The following EXOC4 variants were observed in gnomAD, a reference collection of about 807,000 sequenced individuals.
The protein encoded by EXOC4 is SEC8-like 1.
In EXOC4, 71 loss-of-function variants were observed where a neutral mutation model predicts 107.2. The ratio of observed to expected loss-of-function variants is 0.66; its 90% CI spans 0.55 to 0.81. The LOEUF is 0.81. Among genes scored for constraint, EXOC4 ranks in the 30% least tolerant of loss-of-function variants. The pLI, the probability that EXOC4 is intolerant of heterozygous loss-of-function variation, is 0.00. For missense variants in EXOC4, 1,108 were observed against 1,189.6 expected (o/e 0.93, Z 1.01); for synonymous variants, 456 against 441.2 (o/e 1.03, Z -0.42).
chr7:133,431,583 A>G (rs990027749), intron 7 of EXOC4, among the ~76,000 whole-genome samples: 2 of 152,186 alleles, frequency 1.3e-5, no homozygotes, highest in Non-Finnish European at 2.9e-5. Flanking sequence ...GGAGGAATCC[A>G]TTTTATCAGC....
intron 7 of EXOC4, among the ~76,000 whole-genome samples, chr7:133,443,016 G>T (rs1798138251): frequency 6.6e-6 from 1 of 152,184 alleles, no homozygotes; most frequent in African/African-American, 2.4e-5. Context: ...AATACAAAGT[G>T]CCTCTCTGCA....
chr7:133,481,735 G>A (rs1799162937), intron 9 of EXOC4, among the ~76,000 whole-genome samples: 2 of 152,140 alleles, frequency 1.3e-5, no homozygotes, highest in South Asian at 4.1e-4. Flanking sequence ...ATATGAAAGG[G>A]TTGTCATGCA....
intron 10 of EXOC4, among the ~76,000 whole-genome samples, chr7:133,652,882 A>G (rs2345941): frequency 0.42 from 64,002 of 152,114 alleles, 14,752 homozygotes; most frequent in East Asian, 0.61. Context: ...CACGTGCTAT[A>G]TTAAAGTAGA....
chr7:133,513,027 C>A (rs1179488567), intron 9 of EXOC4, among the ~76,000 whole-genome samples: 1 of 152,066 alleles, frequency 6.6e-6, no homozygotes, highest in Admixed American at 6.6e-5. Flanking sequence ...ATCACTTGAA[C>A]CTGGGAAATG....
chr7:133,577,890 A>G (rs975624774), intron 9 of EXOC4, among the ~76,000 whole-genome samples: 1 of 152,192 alleles, frequency 6.6e-6, no homozygotes, highest in Non-Finnish European at 1.5e-5. Flanking sequence ...ACCAAAATGG[A>G]TCCATCTGGC....
At chr7:133,335,657 T>C (rs1388996146) in intron 5 of EXOC4, among the ~76,000 whole-genome samples, 3 of 152,212 alleles carry the variant, frequency 2.0e-5, no homozygotes, top group African/African-American at 7.2e-5. Context: ...TGTGCCGATA[T>C]TTCCTTGAGA....
At chr7:133,426,191 TTAGGGA>T (rs1195245774) in intron 7 of EXOC4, among the ~76,000 whole-genome samples, 1 of 152,224 alleles carries the variant, frequency 6.6e-6, no homozygotes, top group African/African-American at 2.4e-5. Flanking sequence ...GTTTTTGGTG[TTAGGGA>T]ATTCAGCCTT....
chr7:133,358,003 C>T (rs760943148), intron 6 of EXOC4, among the ~76,000 whole-genome samples: 1 of 152,048 alleles, frequency 6.6e-6, no homozygotes, highest in Non-Finnish European at 1.5e-5. Flanking sequence ...GCCTGGCCAA[C>T]ATAGTGAAAC....
chr7:133,491,687 G>C (rs1044016956), intron 9 of EXOC4, among the ~76,000 whole-genome samples: 2 of 152,166 alleles, frequency 1.3e-5, no homozygotes, highest in Non-Finnish European at 2.9e-5. Flanking sequence ...TCTAGATGCT[G>C]TAGAAGATAA....
chr7:134,082,943 A>G, the EXOC4 span, among the ~76,000 whole-genome samples: 1 of 152,194 alleles, frequency 6.6e-6, no homozygotes, highest in South Asian at 2.1e-4. Context: ...CATTACATAT[A>G]AAATCACAGT....
chr7:133,469,208 G>A (rs1048690843), intron 7 of EXOC4, among the ~76,000 whole-genome samples: 2 of 152,122 alleles, frequency 1.3e-5, no homozygotes, highest in African/African-American at 2.4e-5. Context: ...ACGAGGTCAG[G>A]AGATCGAGAC....
At chr7:133,370,577 A>G (rs1796352306) in intron 6 of EXOC4, among the ~76,000 whole-genome samples, 1 of 152,194 alleles carries the variant, frequency 6.6e-6, no homozygotes, top group South Asian at 2.1e-4. Context: ...CCGTGTGGAC[A>G]AAATGTGAGG....
At chr7:133,877,105 T>G (rs1354647574) in intron 11 of EXOC4, among the ~76,000 whole-genome samples, 1 of 152,124 alleles carries the variant, frequency 6.6e-6, no homozygotes, top group African/African-American at 2.4e-5. Context: ...TAATCATTTT[T>G]TCTGTCTGTG....
chr7:133,646,671 A>G (rs999858405), intron 10 of EXOC4, among the ~76,000 whole-genome samples: 54 of 152,284 alleles, frequency 3.5e-4, no homozygotes, highest in African/African-American at 1.3e-3. Flanking sequence ...TGGATGTTGA[A>G]TAACTACTAA....
chr7:134,030,681 C>T (rs1485537224), intron 17 of EXOC4, among the ~76,000 whole-genome samples: 2 of 133,230 alleles, frequency 1.5e-5, no homozygotes, highest in Admixed American at 7.6e-5. Flanking sequence ...CCCCTCTGCC[C>T]CCCCAGCTCA....
chr7:134,060,537 T>C, intron 17 of EXOC4, among the ~76,000 whole-genome samples: 1 of 152,226 alleles, frequency 6.6e-6, no homozygotes, highest in East Asian at 1.9e-4. Flanking sequence ...TGCTCGATGA[T>C]GAAGACCAAG....
chr7:133,841,548 T>A (rs1422833997), intron 11 of EXOC4, among the ~76,000 whole-genome samples: 1 of 152,184 alleles, frequency 6.6e-6, no homozygotes, highest in Admixed American at 6.5e-5. Flanking sequence ...ACAAAGAGGT[T>A]ATTTTTCCTG....
At chr7:133,930,596 T>C (rs1462176129) in intron 13 of EXOC4, 1 of 151,954 alleles carries the variant, frequency 6.6e-6, no homozygotes, top group African/African-American at 2.4e-5. Context: ...AAAACGGGGA[T>C]ACAAAACGTG....
intron 10 of EXOC4, among the ~76,000 whole-genome samples, chr7:133,708,988 A>AT (rs1482049066): frequency 6.6e-6 from 1 of 152,112 alleles, no homozygotes; most frequent in African/African-American, 2.4e-5. Context: ...ATTCAGTTGC[A>AT]TTTTTTCAGA....
Sources: gnomAD v4.1 joint callset for allele counts (sites outside exome capture counted in the v4.1 genomes callset) on GRCh38, gnomAD v4.1.1 for gene constraint, MANE v1.5 for transcripts, NCBI Gene and HGNC (gene_info 2026-07-23, HGNC 2026-07-21) for gene names.